STAB2: variants seen among roughly 807,000 people sequenced by gnomAD.
STAB2 encodes stabilin 2, also known as stabilin-2.
A neutral mutation model predicts 338.1 loss-of-function variants in STAB2; 288 were observed. The ratio of observed to expected loss-of-function variants is 0.85; its 90% confidence interval spans 0.77 to 0.94. STAB2 has a LOEUF of 0.94. Ranked by LOEUF, STAB2 falls within the 40% of genes least tolerant of loss-of-function variation. The pLI is 0.00. For synonymous variants in STAB2, 1,202 were observed against 1,193.3 expected (o/e 1.01, Z -0.15); for missense variants, 3,141 against 3,210.1 (o/e 0.98, Z 0.52).
At chr12:103,615,626 C>T (rs1417552893) in intron 3 of STAB2, among the ~76,000 whole-genome samples, 1 of 152,142 alleles carries the variant, frequency 6.6e-6, no homozygotes, top group Non-Finnish European at 1.5e-5. Flanking sequence ...TGTATTAGTC[C>T]ATTCTCACAC....
At chr12:103,755,910 G>A (rs1884069525) in intron 63 of STAB2, among the ~76,000 whole-genome samples, 192 bp downstream of exon 63, 1 of 152,128 alleles carries the variant, frequency 6.6e-6, no homozygotes, top group African/African-American at 2.4e-5. Context: ...TTTCCTCTCT[G>A]GGACTCAATT....
rs1403673004 is a variant in STAB2, at chr12:103,755,476, C to T, written c.6880+9C>T. On this transcript the variant is annotated intron_variant, in intron 62 of 68. Transcript: ENST00000388887. ...CTGCTATCGGATGAAAGGTAACCGC[C>T]CCAGCTACACTTCAGGTTCTGGGCC... The T allele has an allele frequency of 4.3e-6, 7 of 1,612,796 alleles. No individual in the cohort carries two copies. The highest frequency in any genetic ancestry group is 1.3e-5 in the African/African-American group (1 of 74,986).
intron 19 of STAB2, among the ~76,000 whole-genome samples, chr12:103,667,289 G>C (rs2138795681): frequency 6.6e-6 from 1 of 152,346 alleles, no homozygotes; most frequent in South Asian, 2.1e-4. Flanking sequence ...GAATGTGAGA[G>C]GGAGGAGAAG....
In STAB2 at chr12:103,743,659, C is replaced by T. The variant is rs1044364712; in HGVS notation, c.6031+1105C>T. Among the ~76,000 whole-genome samples, 5 of 152,198 alleles carry T rather than the reference C, an allele frequency of 3.3e-5. No individual in the cohort carries two copies. The East Asian group carries it at 5.8e-4, about 18-fold the overall frequency. On this transcript the variant is annotated intron_variant, in intron 56 of 68. Coordinates refer to ENST00000388887, the MANE Select transcript of STAB2 (RefSeq NM_017564.10). ...ACATGTGGCTATCGAGCACCCAAAACGTGTGGCTGAGGAAGCAAATGTTTA... is the reference window on the plus strand; with the variant it reads ...ACATGTGGCTATCGAGCACCCAAAATGTGTGGCTGAGGAAGCAAATGTTTA...
In STAB2 at chr12:103,640,311, G is replaced by A. The variant is rs980346538; in HGVS notation, c.1040+55G>A. On this transcript the variant is annotated intron_variant, in intron 9 of 68. Transcript: ENST00000388887. ...TTCCAAGTGGTGAAAATGGTGTCCA[G>A]TCATTGCTGTAAGTTTCTTGAAGGG... The A allele has an allele frequency of 7.6e-6, 12 of 1,579,018 alleles. No individual in the cohort carries two copies. The African/African-American group carries it at 1.5e-4, about 19-fold the overall frequency.
intron 39 of STAB2, among the ~76,000 whole-genome samples, chr12:103,709,853 C>T (rs1879692976): frequency 6.6e-6 from 1 of 152,038 alleles, no homozygotes; most frequent in African/African-American, 2.4e-5. Context: ...CGGTGAATCC[C>T]CAGAATAAAT....
intron 3 of STAB2, 120 bp from the exon 4 acceptor site, chr12:103,620,348 G>A (rs967483988): frequency 1.4e-5 from 12 of 877,776 alleles, no homozygotes; most frequent in East Asian, 5.4e-5. Flanking sequence ...GACACCAACA[G>A]GTTCTGCAAT....
chr12:103,630,911 G>A (rs1957450469), intron 5 of STAB2, among the ~76,000 whole-genome samples: 1 of 152,192 alleles, frequency 6.6e-6, no homozygotes, highest in Non-Finnish European at 1.5e-5. Flanking sequence ...TAAGTTTGTG[G>A]AACTTGTTAT....
At chr12:103,711,560 T>A (rs936246909) in intron 40 of STAB2, 44 bp downstream of exon 40, 4 of 1,606,486 alleles carry the variant, frequency 2.5e-6, no homozygotes, top group Non-Finnish European at 3.4e-6. Flanking sequence ...TAAAGGGGAT[T>A]TTTTCCCAAT....
intron 34 of STAB2, among the ~76,000 whole-genome samples, chr12:103,700,250 CATA>C (rs1298558587): frequency 6.6e-6 from 1 of 152,084 alleles, no homozygotes; most frequent in Non-Finnish European, 1.5e-5. Flanking sequence ...ATAAGAAACT[CATA>C]ATTTTAATGT....
At chr12:103,635,058 C>A (rs1032073704) in intron 6 of STAB2, among the ~76,000 whole-genome samples, 2 of 152,188 alleles carry the variant, frequency 1.3e-5, no homozygotes, top group Non-Finnish European at 2.9e-5. Flanking sequence ...ACTCAACTAG[C>A]CACTGTTGGG....
At chr12:103,690,274 GTAAC>G (rs1315563490) in intron 29 of STAB2, 146 bp from the exon 30 acceptor site, 15 of 740,988 alleles carry the variant, frequency 2.0e-5, no homozygotes, top group Non-Finnish European at 3.2e-5. Flanking sequence ...GCGTGGTTGA[GTAAC>G]TAACTCTAGC....
chr12:103,628,853 C>T (rs1212213951), intron 5 of STAB2, among the ~76,000 whole-genome samples: 6 of 152,166 alleles, frequency 3.9e-5, no homozygotes, highest in African/African-American at 1.4e-4. Context: ...GGAGACAAAA[C>T]TCAACCCATG....
At chr12:103,747,971 G>A (rs1883201194) in intron 58 of STAB2, among the ~76,000 whole-genome samples, 1 of 146,742 alleles carries the variant, frequency 6.8e-6, no homozygotes, top group Non-Finnish European at 1.5e-5. Context: ...CTCTAGCCTG[G>A]GCAACAGAAC....
At chr12:103,738,582 C>T (rs939795631) in intron 53 of STAB2, among the ~76,000 whole-genome samples, 24 of 152,282 alleles carry the variant, frequency 1.6e-4, no homozygotes, top group African/African-American at 5.8e-4. Context: ...TCCCAGTCAG[C>T]CAAAGTAGGA....
chr12:103,739,426 C>CTG lies in STAB2; in HGVS notation c.5716_5717dup (p.Asn1907SerfsTer15), dbSNP rs774383347. ...TTGCATACTAGGGGGAGTGTGGGAGCTGTGTCAATACTCCCAGCTGCCCAA... is the reference window on the plus strand; with the variant it reads ...TTGCATACTAGGGGGAGTGTGGGAGCTGTGTGTCAATACTCCCAGCTGCCCAA... On this transcript the variant is annotated frameshift_variant, in exon 54 of 69. Transcript: ENST00000388887. LOFTEE classifies it high-confidence loss of function. 1 of 1,591,232 alleles carries CTG rather than the reference C, an allele frequency of 6.3e-7. No homozygotes were observed. The highest frequency in any genetic ancestry group is 8.6e-7 in the Non-Finnish European group (1 of 1,169,194).
rs3035275 is a variant in STAB2 at position 103,744,461 on chromosome 12, CTTTT to C, written c.6032-692_6032-689del. Among the ~76,000 whole-genome samples, 520 of 122,438 alleles carry C rather than the reference CTTTT, an allele frequency of 4.2e-3. 3 individuals carry two copies. Among genetic ancestry groups the C allele is most frequent in the African/African-American group, 0.013 (389 of 30,532 alleles). 80.3% of individuals were successfully genotyped at this position (122,438 alleles called of 152,430 possible). ...TCCACTGCACCTGGCCACAATTTTA[CTTTT>C]TTTTTTTTTTTTTTTTTTTAAGACA... On this transcript the variant is annotated intron_variant, in intron 56 of 68. Transcript: ENST00000388887.
At chr12:103,702,834 T>C (rs1182144379) in intron 34 of STAB2, among the ~76,000 whole-genome samples, 1 of 152,210 alleles carries the variant, frequency 6.6e-6, no homozygotes, top group African/African-American at 2.4e-5. Context: ...CAAACAAACA[T>C]AAGCCAATTA....
At chr12:103,700,453 A>G (rs1259763855) in intron 34 of STAB2, among the ~76,000 whole-genome samples, 3 of 152,222 alleles carry the variant, frequency 2.0e-5, no homozygotes, top group Non-Finnish European at 4.4e-5. Context: ...AATGGTTTTT[A>G]TCTGCTTATG....
Sources: allele counts gnomAD v4.1 joint callset (sites outside exome capture counted in the v4.1 genomes callset), GRCh38; gene constraint gnomAD v4.1.1; transcripts MANE v1.5; gene names NCBI Gene and HGNC (gene_info 2026-07-23, HGNC 2026-07-21).